SAMD5: variants seen among roughly 807,000 people sequenced by gnomAD.
The protein encoded by SAMD5 is sterile alpha motif domain containing 5.
In SAMD5, 13 loss-of-function variants were observed where a neutral mutation model predicts 11.3. The ratio of observed to expected loss-of-function variants is 1.15; its 90% CI spans 0.75 to 1.83. The LOEUF (loss-of-function observed/expected upper bound fraction) is 1.83. SAMD5 is among the 40% of genes most tolerant of loss of function. SAMD5 has a pLI of 0.00. For missense variants in SAMD5, 255 were observed against 239.1 expected (o/e 1.07, Z -0.44); for synonymous variants, 129 against 111.3 (o/e 1.16, Z -1.00).
At chr6:147,773,232 A>C in the SAMD5 span, among the ~76,000 whole-genome samples, 4 of 152,164 alleles carry the variant, frequency 2.6e-5, no homozygotes, top group Non-Finnish European at 2.9e-5. Flanking sequence ...TTTTACAATG[A>C]TTCATCTCTC....
At chr6:147,856,338 T>C in the SAMD5 span, among the ~76,000 whole-genome samples, 2 of 152,092 alleles carry the variant, frequency 1.3e-5, no homozygotes, top group Admixed American at 1.3e-4. Flanking sequence ...ATGATGAAAG[T>C]TGGGGTGACG....
intron 1 of SAMD5, among the ~76,000 whole-genome samples, chr6:147,708,243 TAGAC>T (rs1449224932): frequency 2.0e-5 from 3 of 151,906 alleles, no homozygotes; most frequent in African/African-American, 4.8e-5. Flanking sequence ...GACACAAACA[TAGAC>T]AGAAGGAAGA....
chr6:147,570,387 G>C (rs1286215189), downstream of SAMD5, among the ~76,000 whole-genome samples: 1 of 152,120 alleles, frequency 6.6e-6, no homozygotes, highest in Non-Finnish European at 1.5e-5. Context: ...TTCTGCTATG[G>C]TTCCTACAGC....
intron 1 of SAMD5, among the ~76,000 whole-genome samples, chr6:147,626,662 T>C (rs1034537044): frequency 2.6e-5 from 4 of 151,390 alleles, no homozygotes; most frequent in African/African-American, 9.7e-5. Context: ...AAATAAAAAA[T>C]TAAGGCATTG....
chr6:147,904,432 A>G, the SAMD5 span, among the ~76,000 whole-genome samples: 1 of 152,214 alleles, frequency 6.6e-6, no homozygotes, highest in East Asian at 1.9e-4. Flanking sequence ...TGGGTCTCTG[A>G]CGAACTTCAT....
chr6:147,708,130 T>C (rs1181395943), intron 1 of SAMD5, among the ~76,000 whole-genome samples: 1 of 152,130 alleles, frequency 6.6e-6, no homozygotes, highest in African/African-American at 2.4e-5. Flanking sequence ...TGTGACTGTA[T>C]TTGCAGATAT....
the SAMD5 span, among the ~76,000 whole-genome samples, chr6:147,832,175 T>G: frequency 3.9e-5 from 6 of 152,274 alleles, no homozygotes; most frequent in Non-Finnish European, 8.8e-5. Context: ...TATTAAAAAA[T>G]TAGGTATAGA....
At chr6:147,744,512 A>G in the SAMD5 span, among the ~76,000 whole-genome samples, 2 of 152,214 alleles carry the variant, frequency 1.3e-5, no homozygotes, top group Non-Finnish European at 2.9e-5. Flanking sequence ...ATTCTGTGAG[A>G]AATTGTATCG....
chr6:147,942,240 G>A, the SAMD5 span, among the ~76,000 whole-genome samples: 51 of 152,292 alleles, frequency 3.3e-4, no homozygotes, highest in East Asian at 9.7e-3. Context: ...TTGAGGCAGT[G>A]CAGTGGGAAG....
the SAMD5 span, among the ~76,000 whole-genome samples, chr6:147,828,268 A>G: frequency 6.6e-6 from 1 of 152,246 alleles, no homozygotes; most frequent in Non-Finnish European, 1.5e-5. Context: ...GAAATGCTCC[A>G]TGTGAATAAT....
chr6:147,644,498 G>C (rs898881494), intron 1 of SAMD5, among the ~76,000 whole-genome samples: 12 of 152,218 alleles, frequency 7.9e-5, no homozygotes, highest in African/African-American at 2.9e-4. Flanking sequence ...AATTTGTAAA[G>C]CTAATACTTT....
chr6:147,580,706 A>T (rs1691499371), intron 1 of SAMD5, among the ~76,000 whole-genome samples: 1 of 152,220 alleles, frequency 6.6e-6, no homozygotes, highest in Admixed American at 6.5e-5. Flanking sequence ...TGTTCATGAA[A>T]ATGTCCAATT....
chr6:147,903,882 TG>T, the SAMD5 span, among the ~76,000 whole-genome samples: 14 of 150,156 alleles, frequency 9.3e-5, no homozygotes, highest in African/African-American at 3.5e-4. Context: ...CACTCCAGCC[TG>T]GGCGACAGAG....
At chr6:147,820,362 C>T in the SAMD5 span, among the ~76,000 whole-genome samples, 2,265 of 152,118 alleles carry the variant, frequency 0.015, 41 homozygotes, top group South Asian at 0.039. Context: ...AAAAAGAAAG[C>T]CCAATTATTC....
At chr6:147,854,639 T>C in the SAMD5 span, among the ~76,000 whole-genome samples, 1 of 152,210 alleles carries the variant, frequency 6.6e-6, no homozygotes, top group East Asian at 1.9e-4. Flanking sequence ...TCATGTTAAT[T>C]CTGTGCCCAG....
chr6:147,509,482 C>T, intron 1 of SAMD5, 95 bp downstream of exon 1: 2 of 1,137,676 alleles, frequency 1.8e-6, no homozygotes, highest in Non-Finnish European at 2.4e-6. Flanking sequence ...TTCCAGGTGA[C>T]GACGGAGAGG....
intron 1 of SAMD5, among the ~76,000 whole-genome samples, chr6:147,670,305 A>C (rs1583132836): frequency 6.6e-6 from 1 of 152,232 alleles, no homozygotes; most frequent in East Asian, 1.9e-4. Flanking sequence ...ATTTAGCATA[A>C]CTCTTAAGGG....
At chr6:147,670,520 C>T (rs1416057878) in intron 1 of SAMD5, among the ~76,000 whole-genome samples, 2 of 152,220 alleles carry the variant, frequency 1.3e-5, no homozygotes, top group African/African-American at 4.8e-5. Flanking sequence ...TTTAGTTTAG[C>T]TGCTTTCACC....
the SAMD5 span, among the ~76,000 whole-genome samples, chr6:147,859,345 G>C: frequency 6.6e-6 from 1 of 152,148 alleles, no homozygotes; most frequent in Non-Finnish European, 1.5e-5. Flanking sequence ...GGAAACAATT[G>C]AAAGAACAAA....
Sources: gnomAD v4.1 joint callset for allele counts (sites outside exome capture counted in the v4.1 genomes callset) on GRCh38, gnomAD v4.1.1 for gene constraint, MANE v1.5 for transcripts, NCBI Gene and HGNC (gene_info 2026-07-23, HGNC 2026-07-21) for gene names.